LTBP1: variants seen among roughly 807,000 people sequenced by gnomAD.
The protein encoded by LTBP1 is latent-transforming growth factor beta-binding protein 1.
Under a neutral mutation model 207.6 loss-of-function variants are expected in LTBP1, and 129 were observed. The observed-to-expected ratio is 0.62, with a 90% CI of 0.54 to 0.72. The LOEUF is 0.72. Among genes scored for constraint, LTBP1 ranks in the 30% least tolerant of loss-of-function variants. LTBP1 has a pLI of 0.00. For synonymous variants in LTBP1, 963 were observed against 833.7 expected (o/e 1.16, Z -2.67); for missense variants, 2,281 against 2,217.2 (o/e 1.03, Z -0.58).
At chr2:32,963,866 C>T (rs1572848413) in intron 2 of LTBP1, among the ~76,000 whole-genome samples, 1 of 152,034 alleles carries the variant, frequency 6.6e-6, no homozygotes, top group South Asian at 2.1e-4. Context: ...AGCTTGAGGG[C>T]CCTGAGTTTA....
intron 5 of LTBP1, among the ~76,000 whole-genome samples, chr2:33,178,372 C>T (rs80153324): frequency 0.022 from 3,403 of 152,132 alleles, 42 homozygotes; most frequent in Middle Eastern, 0.034. Context: ...ACAGCAATGG[C>T]GAGGTTGATG....
At chr2:33,278,033 C>T (rs1558934646) in intron 18 of LTBP1, among the ~76,000 whole-genome samples, 3 of 151,074 alleles carry the variant, frequency 2.0e-5, no homozygotes, top group South Asian at 2.1e-4. Context: ...AGGGTGTCAC[C>T]GTGTTAGCCA....
intron 7 of LTBP1, among the ~76,000 whole-genome samples, chr2:33,208,573 G>A (rs1274717674): frequency 1.3e-5 from 2 of 152,124 alleles, no homozygotes; most frequent in African/African-American, 2.4e-5. Flanking sequence ...GCAGGCTGTG[G>A]CAGCATGGAA....
chr2:33,169,075 T>C (rs1439633916), intron 5 of LTBP1, among the ~76,000 whole-genome samples: 1 of 152,224 alleles, frequency 6.6e-6, no homozygotes, highest in Non-Finnish European at 1.5e-5. Context: ...TTGCAGATTT[T>C]TGTTTATAGT....
rs769996398 is a variant in LTBP1, at chr2:32,948,988, T to TG, written c.565+49dup. 47 of 1,596,472 alleles carry TG rather than the reference T, an allele frequency of 2.9e-5. 1 individual carries two copies. In the Middle Eastern group the frequency reaches 2.2e-3, roughly 73 times the overall value. ...CAGTGGCCCTGCACAGTAGGCAAAG[T>TG]GGGGGGAGGTGTCCACATGGGGGCA... On this transcript the variant is annotated intron_variant, in intron 2 of 33. Transcript: ENST00000404816.
At chr2:33,010,577 T>G (rs1687538322) in intron 2 of LTBP1, among the ~76,000 whole-genome samples, 1 of 152,160 alleles carries the variant, frequency 6.6e-6, no homozygotes, top group Non-Finnish European at 1.5e-5. Context: ...ATGCCCTAAA[T>G]ATGCTGACTT....
chr2:33,181,071 C>T (rs956187116), intron 5 of LTBP1, among the ~76,000 whole-genome samples: 5 of 152,100 alleles, frequency 3.3e-5, no homozygotes, highest in Non-Finnish European at 7.4e-5. Flanking sequence ...GCCTTTGCCA[C>T]GATAACTTGA....
chr2:33,288,842 G>A lies in LTBP1; in HGVS notation c.3113-4318G>A, dbSNP rs550943403. ...TGCACTCCAGCCTGGGTGACAGAGC[G>A]AGACTCTGTCTCAAAAAAAAAAAAA... On this transcript the variant is annotated intron_variant, in intron 19 of 33. Coordinates refer to ENST00000404816, the MANE Select transcript of LTBP1 (RefSeq NM_206943.4). Among the ~76,000 whole-genome samples the A allele has an allele frequency of 8.8e-5, 13 of 147,660 alleles. No individual in the cohort carries two copies. The South Asian group carries it at 2.0e-3, about 22-fold the overall frequency.
At chr2:33,389,127 G>T (rs567587290) in intron 31 of LTBP1, 57 bp from the exon 32 acceptor site, 3 of 1,609,848 alleles carry the variant, frequency 1.9e-6, no homozygotes, top group South Asian at 1.1e-5. Context: ...CTGCGAGGGG[G>T]TGGGGCAGGT....
chr2:33,315,878 C>T (rs2094263437), intron 24 of LTBP1, among the ~76,000 whole-genome samples: 1 of 151,936 alleles, frequency 6.6e-6, no homozygotes, highest in Non-Finnish European at 1.5e-5. Context: ...CAGAGGCTGC[C>T]GTGAGCCGAG....
chr2:33,371,345 G>A (rs895666200), intron 31 of LTBP1, among the ~76,000 whole-genome samples: 7 of 152,194 alleles, frequency 4.6e-5, no homozygotes, highest in Non-Finnish European at 7.4e-5. Flanking sequence ...CACAGTACCC[G>A]CTGATCCTGC....
rs550036045 is a variant in LTBP1, at chr2:32,985,473, C to G, written c.566-35436C>G. On this transcript the variant is annotated intron_variant, in intron 2 of 33. Coordinates refer to ENST00000404816, the MANE Select transcript of LTBP1 (RefSeq NM_206943.4). ...TTCTGTCTCCTAGAGGAGCTCAGTA[C>G]AAAGCCCACAGATAGTGCTTGCCCT... is the stretch of plus-strand genomic sequence containing the variant. 4.6e-5 allele frequency among the ~76,000 whole-genome samples: 7 copies of G among 152,320 alleles called. No homozygotes were observed. In the South Asian group the frequency reaches 1.2e-3, roughly 27 times the overall value.
chr2:33,152,547 C>T (rs1572879309), intron 5 of LTBP1, among the ~76,000 whole-genome samples: 2 of 152,268 alleles, frequency 1.3e-5, no homozygotes, highest in East Asian at 3.9e-4. Flanking sequence ...ACCATTTGAT[C>T]CAGCAATCCC....
chr2:33,371,980 C>T (rs747268735), intron 31 of LTBP1, among the ~76,000 whole-genome samples: 3 of 152,200 alleles, frequency 2.0e-5, no homozygotes, highest in Non-Finnish European at 4.4e-5. Context: ...CCATTAGTCA[C>T]TTAGTAGCAG....
At chr2:33,135,955 G>T (rs1412583013) in intron 5 of LTBP1, among the ~76,000 whole-genome samples, 1 of 152,166 alleles carries the variant, frequency 6.6e-6, no homozygotes, top group Admixed American at 6.5e-5. Context: ...TTTAGTCTTG[G>T]AAGTGTGTGT....
chr2:33,038,604 A>G (rs10490453), intron 3 of LTBP1, among the ~76,000 whole-genome samples: 12,670 of 152,218 alleles, frequency 0.083, 740 homozygotes, highest in Non-Finnish European at 0.13. Flanking sequence ...TATCCTGGCA[A>G]ATTTTCTCTG....
chr2:32,956,937 T>C (rs1678171659), intron 2 of LTBP1, among the ~76,000 whole-genome samples: 1 of 152,222 alleles, frequency 6.6e-6, no homozygotes, highest in South Asian at 2.1e-4. Context: ...ACCAGGTGCA[T>C]AGTCAGTGAG....
rs187791562 is a variant in LTBP1 at position 33,163,877 on chromosome 2, T to C, written c.1202-22979T>C. On this transcript the variant is annotated intron_variant, in intron 5 of 33. Transcript: ENST00000404816. ...CATATCATTAACTGGGTCATAATTT[T>C]ATGGAAAAAAGCTTATTTCATGTCT... Among the ~76,000 whole-genome samples the C allele has an allele frequency of 1.5e-3, 223 of 152,278 alleles. 1 individual carries two copies. Among genetic ancestry groups the C allele is most frequent in the East Asian group, 5.8e-4 (3 of 5,184 alleles).
In LTBP1 at chr2:33,188,617, T is replaced by C. The variant is rs1459401335; in HGVS notation, c.1467T>C (p.His489=). 6.2e-7 allele frequency: 1 copy of C among 1,613,796 alleles called. No individual in the cohort carries two copies. Among genetic ancestry groups the C allele is most frequent in the Non-Finnish European group, 8.5e-7 (1 of 1,179,994 alleles). The change falls in exon 7 of 34, where the codon CAT becomes CAC. Residue 489 remains histidine (H), a synonymous_variant. Transcript: ENST00000404816. ...ACATAGTCAATATCCATGTGAAACA[T>C]CCTCCTGAAGCTTCCGTCCAGATAC... The part of the protein sequence containing the change: ...PPNIVNIHVK[H]PPEASVQIHQ...
Sources: allele counts gnomAD v4.1 joint callset (sites outside exome capture counted in the v4.1 genomes callset), GRCh38; gene constraint gnomAD v4.1.1; transcripts MANE v1.5; gene names NCBI Gene and HGNC (gene_info 2026-07-23, HGNC 2026-07-21).